ST8SIA2: variants seen among roughly 807,000 people sequenced by gnomAD.
The protein encoded by ST8SIA2 is alpha-2,8-sialyltransferase 8B.
ST8SIA2 carries 22 observed loss-of-function variants against 37.6 expected under a neutral mutation model. That is an observed-to-expected ratio of 0.58 (90% CI 0.42 to 0.83). The LOEUF is 0.83. Ranked by LOEUF, ST8SIA2 falls within the 40% of genes least tolerant of loss-of-function variation. The pLI is 0.00. For synonymous variants in ST8SIA2, 205 were observed against 201.2 expected, an observed-to-expected ratio of 1.02 and a Z score of -0.16; for missense variants, 382 against 484.7, an observed-to-expected ratio of 0.79 and a Z score of 1.99.
intron 5 of ST8SIA2, among the ~76,000 whole-genome samples, chr15:92,461,010 G>A (rs1211056566): frequency 6.6e-6 from 1 of 152,202 alleles, no homozygotes; most frequent in Non-Finnish European, 1.5e-5. Context: ...GAGGAGCTGT[G>A]CAGTGTGGTT....
chr15:92,419,616 C>T (rs2049616566), intron 1 of ST8SIA2, among the ~76,000 whole-genome samples: 1 of 152,122 alleles, frequency 6.6e-6, no homozygotes, highest in African/African-American at 2.4e-5. Flanking sequence ...GACGCCGAGG[C>T]AGGGTGAGAG....
intron 1 of ST8SIA2, among the ~76,000 whole-genome samples, chr15:92,429,810 A>G (rs778164570): frequency 2.0e-5 from 3 of 152,200 alleles, no homozygotes; most frequent in Non-Finnish European, 2.9e-5. Flanking sequence ...CTGGCTACTT[A>G]CTAATTGGAA....
chr15:92,437,859 A>C (rs1463745416), intron 3 of ST8SIA2, among the ~76,000 whole-genome samples: 1 of 152,194 alleles, frequency 6.6e-6, no homozygotes, highest in Non-Finnish European at 1.5e-5. Flanking sequence ...CTTAGATTTT[A>C]TACCTAGCCA....
At chr15:92,415,804 G>C (rs1242315626) in intron 1 of ST8SIA2, among the ~76,000 whole-genome samples, 5 of 152,130 alleles carry the variant, frequency 3.3e-5, no homozygotes, top group Non-Finnish European at 7.4e-5. Flanking sequence ...AAACTCTGAA[G>C]TCAGCAAATG....
chr15:92,460,805 G>A (rs1430756184), intron 5 of ST8SIA2, among the ~76,000 whole-genome samples: 1 of 152,206 alleles, frequency 6.6e-6, no homozygotes, highest in Non-Finnish European at 1.5e-5. Flanking sequence ...AAAGAACAAG[G>A]ACTTGGGGTC....
At chr15:92,445,429 G>C (rs1455778) in intron 5 of ST8SIA2, among the ~76,000 whole-genome samples, 94,819 of 151,922 alleles carry the variant, frequency 0.62, 31,204 homozygotes, top group African/African-American at 0.85. Flanking sequence ...CGTGAAATGC[G>C]TAGTAAAATT....
chr15:92,443,554 C>T (rs561068964), intron 4 of ST8SIA2, among the ~76,000 whole-genome samples: 21 of 152,244 alleles, frequency 1.4e-4, no homozygotes, highest in African/African-American at 4.6e-4. Context: ...CTAAACCGTC[C>T]CTGTCACTCT....
chr15:92,438,435 T>C lies in ST8SIA2; in HGVS notation c.373T>C (p.Tyr125His), dbSNP rs2049775496. ...CCTGAAGCCTGGAGATATTATTCATTACATCTTCGATCGAGACAGCACCAT... is the reference window on the plus strand; with the variant it reads ...CCTGAAGCCTGGAGATATTATTCATCACATCTTCGATCGAGACAGCACCAT... ...GTLKPGDIIH[Y>H]IFDRDSTMNV... The change falls in exon 4 of 6, where the codon TAC (tyrosine) becomes CAC (histidine). Residue 125 changes from tyrosine (Y) to histidine (H), a missense_variant. By Grantham distance (83) the Tyr-to-His change is moderately conservative. Transcript: ENST00000268164. 6.2e-7 allele frequency: 1 copy of C among 1,614,106 alleles called. No individual in the cohort carries two copies. Among genetic ancestry groups the C allele is most frequent in the South Asian group, 1.1e-5 (1 of 91,088 alleles).
At chr15:92,405,117 TA>T (rs2049498591) in intron 1 of ST8SIA2, among the ~76,000 whole-genome samples, 1 of 152,164 alleles carries the variant, frequency 6.6e-6, no homozygotes, top group African/African-American at 2.4e-5. Flanking sequence ...TAAAAAGGTA[TA>T]TCCATACAAT....
intron 4 of ST8SIA2, among the ~76,000 whole-genome samples, chr15:92,442,359 G>A (rs890062073): frequency 3.9e-5 from 6 of 152,174 alleles, no homozygotes; most frequent in African/African-American, 1.4e-4. Context: ...ATTACCCACA[G>A]CATCTTCCAG....
chr15:92,442,562 A>G (rs2049810864), intron 4 of ST8SIA2, among the ~76,000 whole-genome samples: 1 of 152,118 alleles, frequency 6.6e-6, no homozygotes. Context: ...CAGGACCCAG[A>G]GCTTGGCCTA....
chr15:92,447,404 T>TA (rs2049850026), intron 5 of ST8SIA2, among the ~76,000 whole-genome samples: 1 of 152,174 alleles, frequency 6.6e-6, no homozygotes, highest in Non-Finnish European at 1.5e-5. Flanking sequence ...AGATGCCTGT[T>TA]ACAAATGTAT....
chr15:92,434,515 G>A, intron 3 of ST8SIA2, 140 bp downstream of exon 3: 1 of 1,304,606 alleles, frequency 7.7e-7, no homozygotes, highest in Non-Finnish European at 1.1e-6. Context: ...ATCTGTAAGT[G>A]ATCAATCGGA....
intron 1 of ST8SIA2, among the ~76,000 whole-genome samples, chr15:92,396,639 A>C (rs1295397869): frequency 6.6e-6 from 1 of 151,844 alleles, no homozygotes; most frequent in Non-Finnish European, 1.5e-5. Context: ...GATTACAGGC[A>C]CCTGCCACCA....
At chr15:92,398,908 C>T (rs1038042772) in intron 1 of ST8SIA2, among the ~76,000 whole-genome samples, 31 of 152,312 alleles carry the variant, frequency 2.0e-4, no homozygotes, top group African/African-American at 6.7e-4. Context: ...TTCCTGAGAG[C>T]CTGGTCTGGC....
chr15:92,442,524 C>T (rs1596244817), intron 4 of ST8SIA2, among the ~76,000 whole-genome samples: 1 of 152,210 alleles, frequency 6.6e-6, no homozygotes, highest in Non-Finnish European at 1.5e-5. Context: ...TCCATCTGAA[C>T]TGCATGGAGT....
At chr15:92,437,613 G>C (rs1596242509) in intron 3 of ST8SIA2, among the ~76,000 whole-genome samples, 1 of 151,920 alleles carries the variant, frequency 6.6e-6, no homozygotes, top group Admixed American at 6.5e-5. Flanking sequence ...AAGGGGACGT[G>C]CACCAGCTTG....
chr15:92,431,511 G>C (rs904779336), intron 2 of ST8SIA2, among the ~76,000 whole-genome samples: 1 of 152,214 alleles, frequency 6.6e-6, no homozygotes, highest in Non-Finnish European at 1.5e-5. Context: ...TACTACTACT[G>C]TGGATATATC....
rs368103758 is a variant in ST8SIA2 at position 92,453,520 on chromosome 15, C to G, written c.842+8591C>G. ...CAGAGAGATGAACAGCACCAACCAT[C>G]AGTGGGTGTGTGGTTGCTCAAAAGG... is the stretch of plus-strand genomic sequence containing the variant. On this transcript the variant is annotated intron_variant, in intron 5 of 5. Transcript: ENST00000268164. Among the ~76,000 whole-genome samples the G allele has an allele frequency of 1.1e-3, 171 of 152,314 alleles. 1 individual carries two copies. Among genetic ancestry groups the G allele is most frequent in the African/African-American group, 4.0e-3 (165 of 41,568 alleles).
Sources: gnomAD v4.1 joint callset for allele counts (sites outside exome capture counted in the v4.1 genomes callset) on GRCh38, gnomAD v4.1.1 for gene constraint, MANE v1.5 for transcripts, NCBI Gene and HGNC (gene_info 2026-07-23, HGNC 2026-07-21) for gene names.